FMN1: variants seen among roughly 807,000 people sequenced by gnomAD.
FMN1 encodes the protein formin 1.
In FMN1, 110 loss-of-function variants were observed where a neutral mutation model predicts 132.4. The ratio of observed to expected loss-of-function variants is 0.83; its 90% confidence interval spans 0.71 to 0.97. The LOEUF is 0.97. Among genes scored for constraint, FMN1 ranks in the 50% least tolerant of loss-of-function variants. FMN1 has a pLI of 0.00. For missense variants in FMN1, 1,792 were observed against 1,705.3 expected (o/e 1.05, Z -0.90); for synonymous variants, 722 against 651.7 (o/e 1.11, Z -1.64).
intron 17 of FMN1, among the ~76,000 whole-genome samples, chr15:32,845,960 G>GA (rs59947437): frequency 1.4e-4 from 20 of 145,236 alleles, no homozygotes; most frequent in Non-Finnish European, 1.5e-4. Flanking sequence ...TTACAGACAA[G>GA]AAAAAAAAAA....
chr15:32,797,386 G>T (rs1055898655), intron 19 of FMN1, among the ~76,000 whole-genome samples: 1 of 152,154 alleles, frequency 6.6e-6, no homozygotes, highest in African/African-American at 2.4e-5. Flanking sequence ...CAGCCTCAAG[G>T]TGTATGGACC....
At chr15:33,146,035 G>A (rs1964205885) in intron 4 of FMN1, among the ~76,000 whole-genome samples, 1 of 151,134 alleles carries the variant, frequency 6.6e-6, no homozygotes, top group South Asian at 2.1e-4. Context: ...GAGTTCAGTG[G>A]TGCAATCTCG....
chr15:32,795,626 G>A (rs1038109325), intron 19 of FMN1, among the ~76,000 whole-genome samples: 1 of 151,630 alleles, frequency 6.6e-6, no homozygotes, highest in African/African-American at 2.4e-5. Flanking sequence ...AAAAATGCCT[G>A]TTTTCAGCTC....
intron 17 of FMN1, among the ~76,000 whole-genome samples, chr15:32,840,547 GT>G (rs2058724228): frequency 6.6e-6 from 1 of 152,218 alleles, no homozygotes; most frequent in Non-Finnish European, 1.5e-5. Context: ...CAGAGTAGCT[GT>G]GTGAAAGGCA....
chr15:33,072,424 G>T (rs1200759112), intron 5 of FMN1, among the ~76,000 whole-genome samples: 1 of 152,140 alleles, frequency 6.6e-6, no homozygotes, highest in Non-Finnish European at 1.5e-5. Flanking sequence ...TAAGTCAAAG[G>T]ATACATGAGA....
intron 16 of FMN1, among the ~76,000 whole-genome samples, chr15:32,882,101 T>C (rs548381968): frequency 1.6e-4 from 24 of 152,124 alleles, no homozygotes; most frequent in African/African-American, 5.5e-4. Context: ...GGTTGAGTGG[T>C]TGTATGTAGA....
At chr15:32,883,375 T>G (rs2059816326) in intron 16 of FMN1, among the ~76,000 whole-genome samples, 1 of 151,078 alleles carries the variant, frequency 6.6e-6, no homozygotes, top group Non-Finnish European at 1.5e-5. Flanking sequence ...CTGGGCGTGG[T>G]GGTATACATC....
At chr15:33,128,648 C>T (rs1484438796) in intron 4 of FMN1, among the ~76,000 whole-genome samples, 1 of 152,206 alleles carries the variant, frequency 6.6e-6, no homozygotes, top group Non-Finnish European at 1.5e-5. Context: ...AAAGACGGTG[C>T]GTCCGGATGC....
At chr15:33,157,700 C>T (rs545532578) in intron 3 of FMN1, among the ~76,000 whole-genome samples, 22 of 151,918 alleles carry the variant, frequency 1.4e-4, no homozygotes, top group Admixed American at 6.6e-4. Flanking sequence ...GCTATTTTAA[C>T]GCTCACGGAG....
chr15:33,135,075 T>C (rs1963705766), intron 4 of FMN1, among the ~76,000 whole-genome samples: 1 of 152,212 alleles, frequency 6.6e-6, no homozygotes, highest in Non-Finnish European at 1.5e-5. Flanking sequence ...AGCCTATACA[T>C]GGGAAATATT....
chr15:33,071,766 T>C (rs2038008382), intron 5 of FMN1, among the ~76,000 whole-genome samples: 1 of 152,230 alleles, frequency 6.6e-6, no homozygotes. Flanking sequence ...TTACCACTGC[T>C]GGTCACTCAG....
In FMN1 at chr15:32,964,022, C is replaced by T. The variant is rs199766691; in HGVS notation, c.3138+85G>A. On this transcript the variant is annotated intron_variant, in intron 9 of 20. Transcript: ENST00000616417. ...TGTGTGTGTGTATATACGATACACA[C>T]ACACACACACACACACACACACACA... is the stretch of plus-strand genomic sequence containing the variant. The T allele has an allele frequency of 2.7e-3, 2,195 of 816,390 alleles. 39 individuals carry two copies. The African/African-American group carries it at 0.039, about 14-fold the overall frequency. The allele number at this position is 816,390 out of a possible 1,614,324, so 50.6% of individuals were successfully genotyped here.
chr15:33,029,155 A>C (rs756874837), intron 6 of FMN1, among the ~76,000 whole-genome samples: 4 of 152,186 alleles, frequency 2.6e-5, no homozygotes, highest in Admixed American at 1.3e-4. Context: ...CTCAAAATAC[A>C]TAAAGAAACT....
At chr15:32,889,042 C>CG (rs1413697105) in intron 15 of FMN1, among the ~76,000 whole-genome samples, 1 of 151,896 alleles carries the variant, frequency 6.6e-6, no homozygotes, top group South Asian at 2.1e-4. Flanking sequence ...TTTGTAGAGA[C>CG]GGGGGTCTCA....
At chr15:33,001,491 C>A (rs1451836673) in intron 7 of FMN1, among the ~76,000 whole-genome samples, 1 of 152,080 alleles carries the variant, frequency 6.6e-6, no homozygotes, top group Admixed American at 6.5e-5. Flanking sequence ...TGTTTTATGT[C>A]ATTTATAATA....
At chr15:33,058,916 ATTC>A (rs773209882) in intron 6 of FMN1, among the ~76,000 whole-genome samples, 4 of 152,200 alleles carry the variant, frequency 2.6e-5, no homozygotes, top group African/African-American at 7.2e-5. Context: ...TTTGAAATTT[ATTC>A]TTATTTTGAA....
At chr15:33,100,060 C>T (rs776178151) in intron 4 of FMN1, among the ~76,000 whole-genome samples, 2 of 152,072 alleles carry the variant, frequency 1.3e-5, no homozygotes, top group Non-Finnish European at 2.9e-5. Context: ...CAGTAGGGAA[C>T]TTAGCCATCA....
At chr15:33,016,990 T>C (rs138226548) in intron 6 of FMN1, among the ~76,000 whole-genome samples, 1 of 152,210 alleles carries the variant, frequency 6.6e-6, no homozygotes, top group African/African-American at 2.4e-5. Flanking sequence ...ATGTGAATAA[T>C]AAATCTTTTC....
intron 7 of FMN1, among the ~76,000 whole-genome samples, chr15:33,007,623 G>A (rs191349208): frequency 2.4e-4 from 36 of 152,172 alleles, no homozygotes; most frequent in Admixed American, 1.3e-3. Flanking sequence ...ATATTGCAGG[G>A]ATGTGCTAAG....
Sources: gnomAD v4.1 joint callset for allele counts (sites outside exome capture counted in the v4.1 genomes callset) on GRCh38, gnomAD v4.1.1 for gene constraint, MANE v1.5 for transcripts, NCBI Gene and HGNC (gene_info 2026-07-23, HGNC 2026-07-21) for gene names.